Variants in BRINP3 observed in about 807,000 individuals in gnomAD.
BRINP3 encodes BMP/retinoic acid-inducible neural-specific protein 3.
Under a neutral mutation model 71.0 loss-of-function variants are expected in BRINP3, and 19 were observed. The ratio of observed to expected loss-of-function variants is 0.27; its 90% confidence interval spans 0.19 to 0.39. The LOEUF (loss-of-function observed/expected upper bound fraction) is 0.39, where lower values mean the gene tolerates loss of function less well. BRINP3 is among the 10% of genes least tolerant of loss of function. BRINP3 has a pLI of 1.00. For missense variants in BRINP3, 959 were observed against 940.8 expected, an observed-to-expected ratio of 1.02 and a Z score of -0.25; for synonymous variants, 380 against 337.7, an observed-to-expected ratio of 1.13 and a Z score of -1.37.
chr1:190,209,280 T>C (rs1439693131), intron 6 of BRINP3, among the ~76,000 whole-genome samples: 1 of 152,142 alleles, frequency 6.6e-6, no homozygotes, highest in African/African-American at 2.4e-5. Flanking sequence ...AGGTTTCAAC[T>C]CACATTATTT....
intron 1 of BRINP3, among the ~76,000 whole-genome samples, chr1:190,471,407 T>C (rs10920725): frequency 0.21 from 32,327 of 151,090 alleles, 3,551 homozygotes; most frequent in South Asian, 0.24. Context: ...AATATTCACA[T>C]AGATTATTTG....
intron 7 of BRINP3, among the ~76,000 whole-genome samples, chr1:190,143,347 A>G (rs1272325339): frequency 6.6e-6 from 1 of 152,222 alleles, no homozygotes; most frequent in Non-Finnish European, 1.5e-5. Flanking sequence ...AAACAGATGC[A>G]GAAAATGTAA....
At chr1:190,446,712 C>G (rs1036631157) in intron 2 of BRINP3, among the ~76,000 whole-genome samples, 5 of 151,924 alleles carry the variant, frequency 3.3e-5, no homozygotes. Context: ...TCTAGTTCAG[C>G]CTTAATTTTA....
At chr1:190,408,115 G>A (rs1247945208) in intron 2 of BRINP3, among the ~76,000 whole-genome samples, 1 of 134,382 alleles carries the variant, frequency 7.4e-6, no homozygotes, top group African/African-American at 2.7e-5. Context: ...TCCGCCTCCC[G>A]GGTTCACGCC....
At chr1:190,150,258 G>A (rs1656268772) in intron 7 of BRINP3, among the ~76,000 whole-genome samples, 1 of 129,206 alleles carries the variant, frequency 7.7e-6, no homozygotes, top group African/African-American at 3.5e-5. Context: ...GTATATATGT[G>A]CATATCTATG....
At chr1:190,210,550 C>T (rs996392302) in intron 6 of BRINP3, among the ~76,000 whole-genome samples, 2 of 151,852 alleles carry the variant, frequency 1.3e-5, no homozygotes, top group South Asian at 2.1e-4. Flanking sequence ...TTGTGTGTTC[C>T]GGTATAAATA....
chr1:190,171,814 T>A (rs776056567), intron 6 of BRINP3, among the ~76,000 whole-genome samples: 7 of 152,156 alleles, frequency 4.6e-5, no homozygotes, highest in Non-Finnish European at 5.9e-5. Flanking sequence ...TTTTTAAAAA[T>A]GTTGTCTTCT....
intron 2 of BRINP3, among the ~76,000 whole-genome samples, chr1:190,452,506 T>C (rs1675680453): frequency 6.6e-6 from 1 of 152,226 alleles, no homozygotes; most frequent in African/African-American, 2.4e-5. Context: ...TTTTGTTCAT[T>C]ACCTTTAACA....
At chr1:190,134,688 C>A (rs993737813) in intron 7 of BRINP3, among the ~76,000 whole-genome samples, 8 of 152,002 alleles carry the variant, frequency 5.3e-5, no homozygotes, top group African/African-American at 1.7e-4. Flanking sequence ...TATTCCAGAG[C>A]AAATGGGTAA....
chr1:190,137,317 T>C (rs910216630), intron 7 of BRINP3, among the ~76,000 whole-genome samples: 1 of 151,780 alleles, frequency 6.6e-6, no homozygotes, highest in African/African-American at 2.4e-5. Flanking sequence ...GGAAAAGAAA[T>C]ACTCTGATTG....
At chr1:190,366,699 TG>T (rs1320166032) in intron 2 of BRINP3, among the ~76,000 whole-genome samples, 42 of 152,206 alleles carry the variant, frequency 2.8e-4, no homozygotes, top group African/African-American at 9.9e-4. Context: ...CTAGATACAA[TG>T]GGGGGTACAG....
intron 6 of BRINP3, among the ~76,000 whole-genome samples, chr1:190,174,852 GA>G (rs1362267641): frequency 9.9e-5 from 15 of 152,034 alleles, no homozygotes; most frequent in Admixed American, 8.5e-4. Flanking sequence ...ATGAGGCAGA[GA>G]AACAAAACTT....
At chr1:190,316,273 G>A (rs1038761484) in intron 2 of BRINP3, among the ~76,000 whole-genome samples, 3 of 152,114 alleles carry the variant, frequency 2.0e-5, no homozygotes, top group African/African-American at 7.2e-5. Flanking sequence ...AATCCAATGA[G>A]GTAGATTCAA....
chr1:190,159,878 A>G (rs1657196303), intron 7 of BRINP3, among the ~76,000 whole-genome samples: 1 of 152,094 alleles, frequency 6.6e-6, no homozygotes, highest in Non-Finnish European at 1.5e-5. Flanking sequence ...AAAATTATGT[A>G]CTAACCTTCA....
At chr1:190,107,055 A>G (rs1652238153) in intron 7 of BRINP3, among the ~76,000 whole-genome samples, 1 of 151,978 alleles carries the variant, frequency 6.6e-6, no homozygotes, top group African/African-American at 2.4e-5. Flanking sequence ...TTGTGTCACA[A>G]TTAAAGCAAG....
At chr1:190,295,928 G>A (rs1038039491) in intron 2 of BRINP3, among the ~76,000 whole-genome samples, 1 of 151,972 alleles carries the variant, frequency 6.6e-6, no homozygotes, top group Non-Finnish European at 1.5e-5. Context: ...TTGTTCTTTT[G>A]AATGTGATTT....
chr1:190,449,148 A>G (rs1379551281), intron 2 of BRINP3, among the ~76,000 whole-genome samples: 1 of 152,114 alleles, frequency 6.6e-6, no homozygotes, highest in African/African-American at 2.4e-5. Context: ...TTGAAATTTT[A>G]AAACAATATT....
Position 190,108,888 on chromosome 1 carries a change from G to C in BRINP3, c.1185-9754C>G, listed in dbSNP as rs537664094. 5.3e-5 allele frequency among the ~76,000 whole-genome samples: 8 copies of C among 151,768 alleles called. No individual in the cohort carries two copies. In the East Asian group the frequency reaches 1.2e-3, roughly 22 times the overall value. On this transcript the variant is annotated intron_variant, in intron 7 of 7. Coordinates refer to ENST00000367462, the MANE Select transcript of BRINP3 (RefSeq NM_199051.3). ...AAATACACTGTTCTCTCTTACTTGT[G>C]GGGTAAACCACAGCAATACAAATGA...
Position 190,305,503 on chromosome 1 carries a change from G to A in BRINP3, c.237-23753C>T, listed in dbSNP as rs559946951. 2.6e-5 allele frequency among the ~76,000 whole-genome samples: 4 copies of A among 151,702 alleles called. 1 individual carries two copies. Among genetic ancestry groups the A allele is most frequent in the South Asian group, 2.1e-4 (1 of 4,812 alleles). On this transcript the variant is annotated intron_variant, in intron 2 of 7. Coordinates refer to ENST00000367462, the MANE Select transcript of BRINP3 (RefSeq NM_199051.3). ...AGTGAGCTATGCCAGGCACAGAAAC[G>A]CATATACTGCATTATCTCACTAATA... is the stretch of plus-strand genomic sequence containing the variant.
Sources: allele counts gnomAD v4.1 joint callset (sites outside exome capture counted in the v4.1 genomes callset), GRCh38; gene constraint gnomAD v4.1.1; transcripts MANE v1.5; gene names NCBI Gene and HGNC (gene_info 2026-07-23, HGNC 2026-07-21).